The following SLC49A3 variants were observed in gnomAD, a reference collection of about 807,000 sequenced individuals.
The protein encoded by SLC49A3 is solute carrier family 49 member A3.
Under a neutral mutation model 43.8 loss-of-function variants are expected in SLC49A3, and 50 were observed. That is an observed-to-expected ratio of 1.14 (90% confidence interval 0.91 to 1.45). The LOEUF is 1.45. SLC49A3 is among the 40% of genes most tolerant of loss of function. SLC49A3 has a pLI of 0.00. For missense variants in SLC49A3, 906 were observed against 774.1 expected (o/e 1.17, Z -2.02); for synonymous variants, 413 against 352.0 (o/e 1.17, Z -1.94).
downstream of SLC49A3, chr4:678,896 G>A: frequency 6.2e-7 from 1 of 1,608,822 alleles, no homozygotes; most frequent in Non-Finnish European, 8.5e-7. Context: ...GGAACCGGGA[G>A]CAGGGGGCGG....
In SLC49A3 at chr4:682,016, C is replaced by G. The variant is rs768402159; in HGVS notation, c.1622G>C (p.Arg541Thr). 14 of 1,428,022 alleles carry G rather than the reference C, an allele frequency of 9.8e-6. No individual in the cohort carries two copies. Among genetic ancestry groups the G allele is most frequent in the Non-Finnish European group, 1.2e-5 (13 of 1,077,126 alleles). The allele number at this position is 1,428,022 out of a possible 1,614,324, so 88.5% of individuals were successfully genotyped here. A position where few individuals can be genotyped will look rare whatever the true frequency, so the allele number is the denominator to read the frequency against. ...GTGAGACCCAGCCGGGTCAATAAAC[C>G]TGGACGCTTGGACCCTGCCTGCGAG... Reference protein sequence around the residue: ...GRLAGRVQASRFIDPAGSHSS... With the variant: ...GRLAGRVQASTFIDPAGSHSS... The change falls in exon 10 of 10, where the codon AGG becomes ACG. Residue 541 changes from arginine to threonine, a missense_variant. By Grantham distance (71) the Arg-to-Thr change is moderately conservative. Coordinates refer to ENST00000322224, the MANE Select transcript of SLC49A3 (RefSeq NM_032219.4).
chr4:678,342 C>T, downstream of SLC49A3: 1 of 1,416,330 alleles, frequency 7.1e-7, no homozygotes, highest in South Asian at 1.5e-5. Flanking sequence ...ACCCAGAGTC[C>T]ACTTGCCCCT....
At chr4:681,092 C>A (rs761296199), downstream of SLC49A3, 9 of 1,601,618 alleles carry the variant, frequency 5.6e-6, no homozygotes, top group Non-Finnish European at 6.8e-6. Flanking sequence ...TCGTCCTCAG[C>A]ATCAAGCGTC....
intron 1 of SLC49A3, 43 bp from the exon 2 acceptor site, chr4:686,733 G>A (rs769059637): frequency 9.4e-6 from 15 of 1,587,440 alleles, no homozygotes; most frequent in Admixed American, 5.1e-5. Flanking sequence ...CACAGACCCC[G>A]GACCTACCTG....
In SLC49A3 at chr4:683,312, C is replaced by T; in HGVS notation, c.1049G>A (p.Gly350Glu). The T allele has an allele frequency of 1.2e-6, 2 of 1,612,622 alleles. No homozygotes were observed. Among genetic ancestry groups the T allele is most frequent in the South Asian group, 1.1e-5 (1 of 91,068 alleles). The stretch of plus-strand genomic sequence containing the variant: ...GGGGCCCACCGAGAAGCCAAACAGC[C>T]CGAGCAGCGAGCAGGTGGCAGCCAG... ...LALAATCSLL[G>E]LFGFSVGPVA... The change falls in exon 8 of 10, where the codon GGG becomes GAG. Residue 350 changes from glycine to glutamate, a missense_variant. Transcript: ENST00000322224.
chr4:688,318 C>G (rs937935660), intron 1 of SLC49A3, among the ~76,000 whole-genome samples: 1 of 152,182 alleles, frequency 6.6e-6, no homozygotes, highest in Non-Finnish European at 1.5e-5. Flanking sequence ...CGGGGTCCAC[C>G]TGGAAGAGCC....
In SLC49A3 at chr4:683,775, GAAGAGGCCAGGGCCCC is replaced by G. The variant is rs780522141; in HGVS notation, c.841-30_841-15del. The G allele has an allele frequency of 1.3e-6, 2 of 1,550,508 alleles. No homozygotes were observed. Among genetic ancestry groups the G allele is most frequent in the Non-Finnish European group, 8.7e-7 (1 of 1,147,152 alleles). On this transcript the variant is annotated splice_polypyrimidine_tract_variant and intron_variant, in intron 6 of 9. Transcript: ENST00000322224. Reference sequence around the variant, plus strand: ...GCCGGAAAACCCCTGGAGGAGGCGAGAAGAGGCCAGGGCCCCAAGAGGCCACCATTATCCTAGGTGC... The same window carrying G: ...GCCGGAAAACCCCTGGAGGAGGCGAGAAGAGGCCACCATTATCCTAGGTGC...
At chr4:686,389 C>A (rs1741040345) in intron 2 of SLC49A3, 87 bp from the exon 3 acceptor site, 1 of 1,574,302 alleles carries the variant, frequency 6.4e-7, no homozygotes, top group Admixed American at 1.8e-5. Context: ...GGACCTCCCA[C>A]TGCCGCCACC....
chr4:683,911 G>T lies in SLC49A3; in HGVS notation c.841-150C>A, dbSNP rs1002187110. 5.8e-5 allele frequency: 61 copies of T among 1,052,532 alleles called. 1 individual carries two copies. The South Asian group carries it at 1.1e-3, about 18-fold the overall frequency. The allele number at this position is 1,052,532 out of a possible 1,614,324, so 65.2% of individuals were successfully genotyped here. A position where few individuals can be genotyped will look rare whatever the true frequency, so the allele number is the denominator to read the frequency against. Reference sequence around the variant, plus strand: ...CTTCCAGACGCACCGCTGGCTGCCTGCGGGGTAGGGTTTCCTGCCTTGTGT... The same window carrying T: ...CTTCCAGACGCACCGCTGGCTGCCTTCGGGGTAGGGTTTCCTGCCTTGTGT... On this transcript the variant is annotated intron_variant, in intron 6 of 9. Coordinates refer to ENST00000322224, the MANE Select transcript of SLC49A3 (RefSeq NM_032219.4).
At chr4:680,750 G>GGCCAGCCCT (rs1560155449), downstream of SLC49A3, 5 of 737,882 alleles carry the variant, frequency 6.8e-6, no homozygotes, top group Non-Finnish European at 8.8e-6. Context: ...CTGAGTGGGA[G>GGCCAGCCCT]GCCAGCCCTG....
upstream of SLC49A3, chr4:689,278 G>C (rs555409784): frequency 2.8e-4 from 118 of 420,926 alleles, no homozygotes; most frequent in African/African-American, 2.2e-3. Context: ...CTACGGAGGA[G>C]GGTCCCGCCC....
downstream of SLC49A3, among the ~76,000 whole-genome samples, chr4:681,410 G>A (rs1739500771): frequency 6.6e-6 from 1 of 151,984 alleles, no homozygotes; most frequent in South Asian, 2.1e-4. Context: ...GGAGGGGCGG[G>A]GCTCACAGCT....
In SLC49A3 at chr4:685,747, A is replaced by G. The variant is rs1740872203; in HGVS notation, c.585+88T>C. The G allele has an allele frequency of 1.4e-6, 2 of 1,408,324 alleles. No individual in the cohort carries two copies. Among genetic ancestry groups the G allele is most frequent in the Non-Finnish European group, 2.0e-6 (2 of 1,002,934 alleles). The allele number at this position is 1,408,324 out of a possible 1,614,324, so 87.2% of individuals were successfully genotyped here. ...GACGGGAATCACACACGGGCACAGG[A>G]ACACGGACACACTTGGGATCAGGAA... On this transcript the variant is annotated intron_variant, in intron 4 of 9. Transcript: ENST00000322224. The surrounding 1 kb of genome is among the most constrained non-coding windows in gnomAD (Gnocchi z 4.3).
downstream of SLC49A3, chr4:681,017 G>A (rs1739424601): frequency 1.3e-6 from 2 of 1,517,256 alleles, no homozygotes; most frequent in African/African-American, 1.4e-5. Flanking sequence ...TGGGGCCCCT[G>A]GAGCACCTGA....
chr4:681,740 G>A (rs1404084943), downstream of SLC49A3: 8 of 767,184 alleles, frequency 1.0e-5, no homozygotes, highest in East Asian at 1.1e-4. Flanking sequence ...CTCCAGCGCC[G>A]CCCCGCCCCC....
Position 687,295 on chromosome 4 carries a change from T to C in SLC49A3, c.136-605A>G, listed in dbSNP as rs1018991664. On this transcript the variant is annotated intron_variant, in intron 1 of 9. Transcript: ENST00000322224. Reference sequence around the variant, plus strand: ...AGTGGAGCGGGTCACCGGGGCTCACTCCGGGAGGCAGGAGGCCGTGTCACT... The same window carrying C: ...AGTGGAGCGGGTCACCGGGGCTCACCCCGGGAGGCAGGAGGCCGTGTCACT... The C allele has an allele frequency of 2.6e-5, 4 of 152,458 alleles. No homozygotes were observed. In the East Asian group the frequency reaches 7.7e-4, roughly 29 times the overall value. 9.4% of individuals were successfully genotyped at this position (152,458 alleles called of 1,614,324 possible).
At position 685,131 on chromosome 4, in the gene SLC49A3, A is replaced by C. The variant is rs2109423622; in HGVS notation, c.586-275T>G. 4.7e-5 allele frequency: 24 copies of C among 511,518 alleles called. No individual in the cohort carries two copies. Among genetic ancestry groups the C allele is most frequent in the Non-Finnish European group, 5.2e-5 (15 of 289,808 alleles). 31.7% of individuals were successfully genotyped at this position (511,518 alleles called of 1,614,324 possible). On this transcript the variant is annotated intron_variant, in intron 4 of 9. Transcript: ENST00000322224. This position sits in a 1 kb window ranked among gnomAD's most constrained non-coding sequence, Gnocchi z 4.3. ...CCCCCAGGCTCCAGACTTACATCTC[A>C]CTGCCAGCTGCACAGCCCATGATAG... is the stretch of plus-strand genomic sequence containing the variant.
chr4:681,360 G>T (rs1208247618), downstream of SLC49A3, among the ~76,000 whole-genome samples: 1 of 152,090 alleles, frequency 6.6e-6, no homozygotes, highest in Non-Finnish European at 1.5e-5. Context: ...TTAGATCAGC[G>T]GCTGGAGACC....
rs114410634 is a variant in SLC49A3, at chr4:681,857, G to C, written c.*101C>G. 1 of 1,305,356 alleles carries C rather than the reference G, an allele frequency of 7.7e-7. No individual in the cohort carries two copies. Among genetic ancestry groups the C allele is most frequent in the Non-Finnish European group, 9.8e-7 (1 of 1,018,970 alleles). 80.9% of individuals were successfully genotyped at this position (1,305,356 alleles called of 1,614,324 possible). On this transcript the variant is annotated 3_prime_UTR_variant, in exon 10 of 10. Transcript: ENST00000322224. ...AGGTGCGCGCTTGTAATTCGCTCCC[G>C]GAGCCCGCAAGGAGCCCTTTCGCCC...
Sources: allele counts gnomAD v4.1 joint callset (sites outside exome capture counted in the v4.1 genomes callset), GRCh38; gene constraint gnomAD v4.1.1; non-coding constraint Gnocchi (gnomAD v3.1); transcripts MANE v1.5; gene names NCBI Gene and HGNC (gene_info 2026-07-23, HGNC 2026-07-21).